The following AKAP6 variants were observed in gnomAD, a reference collection of about 807,000 sequenced individuals.
AKAP6 encodes the protein A-kinase anchoring protein 6.
A neutral mutation model predicts 188.5 loss-of-function variants in AKAP6; 58 were observed. The ratio of observed to expected loss-of-function variants is 0.31; its 90% CI spans 0.25 to 0.38. The LOEUF (loss-of-function observed/expected upper bound fraction) is 0.38. Among genes scored for constraint, AKAP6 ranks in the 10% least tolerant of loss-of-function variants. The probability of loss-of-function intolerance (pLI) is 1.00; values close to 1 mark genes in which losing one functional copy is unlikely to be tolerated. For missense variants in AKAP6, 2,710 were observed against 2,740.0 expected, an observed-to-expected ratio of 0.99 and a Z score of 0.24; for synonymous variants, 989 against 998.6, an observed-to-expected ratio of 0.99 and a Z score of 0.18.
intron 2 of AKAP6, among the ~76,000 whole-genome samples, chr14:32,493,605 G>A (rs889246033): frequency 1.3e-5 from 2 of 152,128 alleles, no homozygotes; most frequent in Non-Finnish European, 2.9e-5. Context: ...TTATAATGAA[G>A]CCTACATGAC....
At chr14:32,488,183 G>A (rs1313424686) in intron 2 of AKAP6, among the ~76,000 whole-genome samples, 2 of 152,194 alleles carry the variant, frequency 1.3e-5, no homozygotes, top group Non-Finnish European at 2.9e-5. Context: ...TTATCTATAA[G>A]CCCCTGACTG....
intron 9 of AKAP6, among the ~76,000 whole-genome samples, chr14:32,722,396 G>A (rs1408892194): frequency 6.6e-6 from 1 of 151,980 alleles, no homozygotes; most frequent in Non-Finnish European, 1.5e-5. Flanking sequence ...TTTCAATATG[G>A]ACAGGAAGCA....
chr14:32,717,539 A>C (rs764302052), intron 9 of AKAP6, among the ~76,000 whole-genome samples: 1 of 151,810 alleles, frequency 6.6e-6, no homozygotes, highest in African/African-American at 2.4e-5. Context: ...GCATCTATGC[A>C]TCTCCATCAT....
At chr14:32,469,693 T>C (rs1431290799) in intron 2 of AKAP6, among the ~76,000 whole-genome samples, 1 of 146,290 alleles carries the variant, frequency 6.8e-6, no homozygotes, top group Non-Finnish European at 1.5e-5. Flanking sequence ...TTTTGAGATC[T>C]GATATTTTTA....
chr14:32,540,547 T>C (rs1882902892), intron 3 of AKAP6, among the ~76,000 whole-genome samples: 1 of 152,106 alleles, frequency 6.6e-6, no homozygotes, highest in Non-Finnish European at 1.5e-5. Flanking sequence ...AGTGGGTACA[T>C]GGCTAGGCGG....
At chr14:32,720,531 T>TC (rs2030476800) in intron 9 of AKAP6, among the ~76,000 whole-genome samples, 1 of 152,228 alleles carries the variant, frequency 6.6e-6, no homozygotes, top group African/African-American at 2.4e-5. Flanking sequence ...TGGTAATTCT[T>TC]CAGTGGACTT....
intron 8 of AKAP6, among the ~76,000 whole-genome samples, chr14:32,683,427 G>T (rs537149186): frequency 6.6e-6 from 1 of 152,286 alleles, no homozygotes; most frequent in East Asian, 1.9e-4. Context: ...AACCTCAGTG[G>T]TCCACAGGAT....
chr14:32,551,071 G>C (rs555561849), intron 4 of AKAP6, among the ~76,000 whole-genome samples: 15 of 152,288 alleles, frequency 9.8e-5, no homozygotes, highest in African/African-American at 3.1e-4. Flanking sequence ...TTTCCTCTCT[G>C]ACATCCTTTC....
At chr14:32,692,473 A>G (rs568851905) in intron 8 of AKAP6, among the ~76,000 whole-genome samples, 1 of 152,346 alleles carries the variant, frequency 6.6e-6, no homozygotes, top group East Asian at 1.9e-4. Context: ...TTTAACATCT[A>G]CTACATATAA....
intron 12 of AKAP6, among the ~76,000 whole-genome samples, chr14:32,803,296 A>AAC (rs60639989): frequency 6.6e-6 from 1 of 151,810 alleles, no homozygotes; most frequent in African/African-American, 2.4e-5. Context: ...AAAAAACAAA[A>AAC]CAAATATTTT....
intron 12 of AKAP6, among the ~76,000 whole-genome samples, chr14:32,795,232 A>C (rs2033731038): frequency 6.6e-6 from 1 of 152,138 alleles, no homozygotes; most frequent in Admixed American, 6.6e-5. Flanking sequence ...TCATTTCTAC[A>C]GAAAATATTC....
chr14:32,352,509 T>C (rs894630720), intron 1 of AKAP6, among the ~76,000 whole-genome samples: 4 of 152,132 alleles, frequency 2.6e-5, no homozygotes, highest in African/African-American at 9.6e-5. Context: ...ACTTATTCCT[T>C]TTATGTAACT....
chr14:32,506,283 G>A (rs1463076268), intron 2 of AKAP6, among the ~76,000 whole-genome samples: 1 of 152,138 alleles, frequency 6.6e-6, no homozygotes, highest in Non-Finnish European at 1.5e-5. Context: ...ATCAGGGGCT[G>A]GATAACTGAT....
In AKAP6 at chr14:32,441,642, G is replaced by T. The variant is rs73259265; in HGVS notation, c.324+7825G>T. On this transcript the variant is annotated intron_variant, in intron 2 of 13. Transcript: ENST00000280979. ...AGATATAGAAAAATTAATGTTGGTG[G>T]TTCCTGGCACATTATCGCAGAAGAT... is the stretch of plus-strand genomic sequence containing the variant. Among the ~76,000 whole-genome samples the T allele has an allele frequency of 6.1e-3, 908 of 149,964 alleles. 6 individuals carry two copies. Among genetic ancestry groups the T allele is most frequent in the African/African-American group, 0.022 (875 of 39,574 alleles).
intron 1 of AKAP6, among the ~76,000 whole-genome samples, chr14:32,404,921 AGGAG>A (rs1485866395): frequency 1.4e-5 from 2 of 141,582 alleles, no homozygotes; most frequent in Admixed American, 1.4e-4. Flanking sequence ...ACTGTATTCC[AGGAG>A]GGAGGGAGGG....
chr14:32,809,417 C>T (rs923630055), intron 12 of AKAP6, among the ~76,000 whole-genome samples: 21 of 152,180 alleles, frequency 1.4e-4, no homozygotes, highest in African/African-American at 5.1e-4. Context: ...AATTTCCCCT[C>T]TTTTGTGAGG....
At chr14:32,815,776 C>T (rs1021526057) in intron 12 of AKAP6, among the ~76,000 whole-genome samples, 1 of 152,218 alleles carries the variant, frequency 6.6e-6, no homozygotes, top group Non-Finnish European at 1.5e-5. Flanking sequence ...TCCACCCCTG[C>T]TGTGTACCGG....
intron 7 of AKAP6, among the ~76,000 whole-genome samples, chr14:32,649,145 C>T (rs1888105329): frequency 6.6e-6 from 1 of 152,000 alleles, no homozygotes; most frequent in Non-Finnish European, 1.5e-5. Flanking sequence ...ATAAACATTC[C>T]TAAAACCTTT....
At chr14:32,718,436 C>A in intron 9 of AKAP6, 1 of 516,400 alleles carries the variant, frequency 1.9e-6, no homozygotes, top group Non-Finnish European at 2.5e-6. Context: ...ATGGGTAGAA[C>A]AGAATGGTTT....
Sources: gnomAD v4.1 joint callset for allele counts (sites outside exome capture counted in the v4.1 genomes callset) on GRCh38, gnomAD v4.1.1 for gene constraint, MANE v1.5 for transcripts, NCBI Gene and HGNC (gene_info 2026-07-23, HGNC 2026-07-21) for gene names.